Variants in IL1RAPL2 observed in about 807,000 individuals in gnomAD.
IL1RAPL2 encodes interleukin 1 receptor accessory protein like 2, also known as X-linked interleukin-1 receptor accessory protein-like 2.
A neutral mutation model predicts 44.1 loss-of-function variants in IL1RAPL2; 3 were observed. That is an observed-to-expected ratio of 0.07 (90% CI 0.03 to 0.18). IL1RAPL2 has a LOEUF of 0.18. Among genes scored for constraint, IL1RAPL2 ranks in the 10% least tolerant of loss-of-function variants. The probability of loss-of-function intolerance (pLI) is 1.00; values close to 1 mark genes in which losing one functional copy is unlikely to be tolerated. For missense variants in IL1RAPL2, 391 were observed against 496.4 expected, an observed-to-expected ratio of 0.79 and a Z score of 2.02; for synonymous variants, 181 against 178.8, an observed-to-expected ratio of 1.01 and a Z score of -0.10.
chrX:104,967,547 GACAGAAATTAACAAA>G (rs2030150640), intron 2 of IL1RAPL2, among the ~76,000 whole-genome samples: 1 of 110,405 alleles, frequency 9.1e-6, no homozygotes, highest in Non-Finnish European at 1.9e-5. Flanking sequence ...ATAAGAGGAG[GACAGAAATTAACAAA>G]ACAGAAAAGA....
intron 5 of IL1RAPL2, among the ~76,000 whole-genome samples, chrX:105,352,160 C>T (rs779971382): frequency 1.2e-3 from 135 of 111,391 alleles, no homozygotes; most frequent in African/African-American, 4.2e-3. Context: ...AAAATCCTGA[C>T]CTCAAGAGAT....
chrX:104,825,309 G>A (rs1238840469), intron 2 of IL1RAPL2, among the ~76,000 whole-genome samples: 1 of 112,060 alleles, frequency 8.9e-6, no homozygotes, highest in Non-Finnish European at 1.9e-5. Flanking sequence ...GCCGCTAACA[G>A]TGCAGCCCTG....
At position 105,447,350 on chromosome X, in the gene IL1RAPL2, T is replaced by TATAAATATATAA. The variant is rs2035972316; in HGVS notation, c.698-36960_698-36959insAATATATAAATA. On this transcript the variant is annotated intron_variant, in intron 5 of 10. Transcript: ENST00000372582. ...ATATATAAAAATATAAATATATAAA[T>TATAAATATATAA]ATATAAATATATAAATATAAATATA... 3.8e-4 allele frequency among the ~76,000 whole-genome samples: 25 copies of TATAAATATATAA among 65,039 alleles called. No individual in the cohort carries two copies. The East Asian group carries it at 7.7e-3, about 20-fold the overall frequency. The allele number at this position is 65,039 out of a possible 115,157, so 56.5% of individuals were successfully genotyped here. A position where few individuals can be genotyped will look rare whatever the true frequency, so the allele number is the denominator to read the frequency against.
chrX:105,201,064 A>G (rs1343664631), intron 3 of IL1RAPL2, among the ~76,000 whole-genome samples: 2 of 112,067 alleles, frequency 1.8e-5, no homozygotes, highest in African/African-American at 6.5e-5. Context: ...GGTAAACATA[A>G]CAAGGAGTTC....
chrX:105,179,924 A>G lies in IL1RAPL2; in HGVS notation c.83-15551A>G, dbSNP rs782760558. On this transcript the variant is annotated intron_variant, in intron 2 of 10. Transcript: ENST00000372582. The stretch of plus-strand genomic sequence containing the variant: ...GTTTTTTTAGATATTAGATTTTATC[A>G]TCAGCAAAAAGGGACAGTTTTACTT... 2.7e-5 allele frequency among the ~76,000 whole-genome samples: 3 copies of G among 110,914 alleles called. No homozygotes were observed. The South Asian group carries it at 1.2e-3, about 43-fold the overall frequency.
At chrX:105,335,914 C>G (rs768641907) in intron 5 of IL1RAPL2, among the ~76,000 whole-genome samples, 2 of 112,046 alleles carry the variant, frequency 1.8e-5, no homozygotes, top group Non-Finnish European at 3.8e-5. Flanking sequence ...ATGTCCTTAG[C>G]TTTCCTCTGG....
chrX:104,990,438 G>A (rs945919542), intron 2 of IL1RAPL2, among the ~76,000 whole-genome samples: 2 of 110,724 alleles, frequency 1.8e-5, no homozygotes, highest in African/African-American at 3.3e-5. Context: ...AACAATGGTA[G>A]CATTCTTTTT....
At chrX:104,704,855 T>C (rs1218447310) in intron 2 of IL1RAPL2, among the ~76,000 whole-genome samples, 1 of 112,033 alleles carries the variant, frequency 8.9e-6, no homozygotes. Flanking sequence ...ATTCATCTAA[T>C]GGTTAATCAT....
In IL1RAPL2 at chrX:104,760,626, G is replaced by A. The variant is rs1312342061; in HGVS notation, c.82+101631G>A. 2.7e-5 allele frequency among the ~76,000 whole-genome samples: 3 copies of A among 111,581 alleles called. No homozygotes were observed. In the Admixed American group the frequency reaches 2.8e-4, roughly 11 times the overall value. ...AAATATTTTACCCATCTTTTGATTG[G>A]ATTTTTAGATTTTTTTCCTATAGCA... On this transcript the variant is annotated intron_variant, in intron 2 of 10. Transcript: ENST00000372582.
chrX:105,064,376 T>C (rs1266401602), intron 2 of IL1RAPL2, among the ~76,000 whole-genome samples: 1 of 112,248 alleles, frequency 8.9e-6, no homozygotes, highest in Non-Finnish European at 1.9e-5. Context: ...GTTCTTTCCA[T>C]ATTATGATGT....
intron 1 of IL1RAPL2, among the ~76,000 whole-genome samples, chrX:104,622,860 C>G (rs1195416231): frequency 8.9e-6 from 1 of 111,889 alleles, no homozygotes; most frequent in Admixed American, 9.5e-5. Context: ...GAAGAGTATG[C>G]AGATGTTTCC....
Position 105,353,500 on chromosome X carries a change from T to TA in IL1RAPL2, c.697+85959_697+85960insA, listed in dbSNP as rs755954283. The stretch of plus-strand genomic sequence containing the variant: ...ATTGGAAGCTTGATGGGGATAGCAT[T>TA]GAATCTATAAATTACCTTGGGCAGT... On this transcript the variant is annotated intron_variant, in intron 5 of 10. Coordinates refer to ENST00000372582, the MANE Select transcript of IL1RAPL2 (RefSeq NM_017416.2). Among the ~76,000 whole-genome samples, 18 of 111,821 alleles carry TA rather than the reference T, an allele frequency of 1.6e-4. No individual in the cohort carries two copies. In the East Asian group the frequency reaches 3.4e-3, roughly 21 times the overall value.
chrX:105,675,564 G>A (rs983602099), intron 6 of IL1RAPL2, among the ~76,000 whole-genome samples: 7 of 111,638 alleles, frequency 6.3e-5, no homozygotes, highest in Non-Finnish European at 5.7e-5. Flanking sequence ...TCGGTTTGCC[G>A]TATTTTATTG....
intron 6 of IL1RAPL2, among the ~76,000 whole-genome samples, chrX:105,616,157 G>A (rs1410603054): frequency 9.0e-6 from 1 of 111,703 alleles, no homozygotes; most frequent in African/African-American, 3.2e-5. Flanking sequence ...GTCTTTAGGA[G>A]CTAAAAGCCT....
chrX:104,685,940 T>TAATA lies in IL1RAPL2; in HGVS notation c.82+26967_82+26970dup, dbSNP rs777471781. ...GAGACTCTGTCTCAAAATAAATAAA[T>TAATA]AATAAATAAATAAATAAATAAATAA... On this transcript the variant is annotated intron_variant, in intron 2 of 10. Transcript: ENST00000372582. Among the ~76,000 whole-genome samples the TAATA allele has an allele frequency of 2.0e-3, 215 of 107,017 alleles. 2 individuals are homozygous for TAATA. The highest frequency in any genetic ancestry group is 0.02 in the South Asian group (49 of 2,463). The allele number at this position is 107,017 out of a possible 115,157, so 92.9% of individuals were successfully genotyped here.
chrX:104,854,099 G>T (rs1414910606), intron 2 of IL1RAPL2, among the ~76,000 whole-genome samples: 1 of 111,316 alleles, frequency 9.0e-6, no homozygotes, highest in East Asian at 2.8e-4. Context: ...GAAGTTGTTG[G>T]AGCTGTCTTT....
chrX:104,669,169 T>A (rs1224887350), intron 2 of IL1RAPL2, among the ~76,000 whole-genome samples: 2 of 111,655 alleles, frequency 1.8e-5, no homozygotes, highest in Non-Finnish European at 3.8e-5. Context: ...AGAATTCAAA[T>A]GATTCACAAT....
chrX:104,661,122 G>A (rs1279177819), intron 2 of IL1RAPL2, among the ~76,000 whole-genome samples: 1 of 111,368 alleles, frequency 9.0e-6, no homozygotes. Context: ...TGGACAAATG[G>A]TATCATATCT....
rs1278762302 is a variant in IL1RAPL2 at position 104,946,397 on chromosome X, A to AAAAAAAAC, written c.83-249071_83-249070insCAAAAAAA. Among the ~76,000 whole-genome samples the AAAAAAAAC allele has an allele frequency of 3.9e-4, 37 of 94,472 alleles. 2 individuals are homozygous for AAAAAAAAC. Among genetic ancestry groups the AAAAAAAAC allele is most frequent in the African/African-American group, 1.3e-3 (33 of 26,117 alleles). The allele number at this position is 94,472 out of a possible 115,157, so 82.0% of individuals were successfully genotyped here. On this transcript the variant is annotated intron_variant, in intron 2 of 10. Transcript: ENST00000372582. ...TCCGTCTCAAAAAAAAAAAAAAAAA[A>AAAAAAAAC]AAAAAAAAAAAACTTTTTAAAAAAA... is the stretch of plus-strand genomic sequence containing the variant.
Sources: gnomAD v4.1 joint callset for allele counts (sites outside exome capture counted in the v4.1 genomes callset) on GRCh38, gnomAD v4.1.1 for gene constraint, MANE v1.5 for transcripts, NCBI Gene and HGNC (gene_info 2026-07-23, HGNC 2026-07-21) for gene names.